Variants in TUSC3 observed in about 807,000 individuals in gnomAD.
The protein encoded by TUSC3 is dolichyl-diphosphooligosaccharide--protein glycosyltransferase subunit TUSC3.
Under a neutral mutation model 44.8 loss-of-function variants are expected in TUSC3, and 45 were observed. The ratio of observed to expected loss-of-function variants is 1.00; its 90% CI spans 0.79 to 1.29. The LOEUF (loss-of-function observed/expected upper bound fraction) is 1.29. TUSC3 is among the 50% of genes most tolerant of loss of function. The probability of loss-of-function intolerance (pLI) is 0.00; values close to 1 mark genes in which losing one functional copy is unlikely to be tolerated. For synonymous variants in TUSC3, 212 were observed against 152.9 expected, an observed-to-expected ratio of 1.39 and a Z score of -2.85; for missense variants, 519 against 437.9, an observed-to-expected ratio of 1.19 and a Z score of -1.65.
chr8:15,528,249 A>G (rs570084464), intron 2 of TUSC3, among the ~76,000 whole-genome samples: 2 of 152,192 alleles, frequency 1.3e-5, no homozygotes, highest in Non-Finnish European at 2.9e-5. Context: ...TTAAAATTAA[A>G]ATGAACATTT....
chr8:15,789,841 A>G, the TUSC3 span, among the ~76,000 whole-genome samples: 1 of 152,216 alleles, frequency 6.6e-6, no homozygotes, highest in Admixed American at 6.5e-5. Flanking sequence ...AACGGTACGG[A>G]AAGAAGACAC....
At chr8:15,550,237 T>C (rs1465556194) in intron 1 of TUSC3, among the ~76,000 whole-genome samples, 1 of 151,766 alleles carries the variant, frequency 6.6e-6, no homozygotes, top group Admixed American at 6.6e-5. Flanking sequence ...AGTTTTTATT[T>C]CTGTTTTCTT....
chr8:15,433,243 T>G (rs1799899342), intron 1 of TUSC3, among the ~76,000 whole-genome samples: 1 of 152,164 alleles, frequency 6.6e-6, no homozygotes, highest in African/African-American at 2.4e-5. Flanking sequence ...TTCCCCCATA[T>G]ATTTAAAAAA....
intron 1 of TUSC3, among the ~76,000 whole-genome samples, chr8:15,599,701 G>GT (rs143634299): frequency 0.025 from 3,341 of 133,932 alleles, 54 homozygotes; most frequent in Middle Eastern, 0.061. Context: ...ATTGCTTGTG[G>GT]TTTTTTTTTT....
At chr8:15,662,403 C>T in intron 5 of TUSC3, 107 bp downstream of exon 5, 1 of 1,478,404 alleles carries the variant, frequency 6.8e-7, no homozygotes, top group Non-Finnish European at 9.3e-7. Context: ...GAACTTAAGT[C>T]TGAATGAGAA....
At chr8:15,841,895 C>T in the TUSC3 span, among the ~76,000 whole-genome samples, 21 of 152,222 alleles carry the variant, frequency 1.4e-4, no homozygotes, top group Non-Finnish European at 2.2e-4. Context: ...AAATACAAGC[C>T]ATATATACCA....
chr8:15,590,452 C>A (rs930824141), intron 1 of TUSC3, among the ~76,000 whole-genome samples: 50 of 152,162 alleles, frequency 3.3e-4, no homozygotes, highest in African/African-American at 1.2e-3. Context: ...TTCTAACTTT[C>A]TTCTCTCTCC....
chr8:15,678,259 A>G (rs1808273951), intron 6 of TUSC3, among the ~76,000 whole-genome samples: 1 of 152,192 alleles, frequency 6.6e-6, no homozygotes, highest in African/African-American at 2.4e-5. Flanking sequence ...TTGTCTGTCA[A>G]AGAAAGCCAT....
the TUSC3 span, among the ~76,000 whole-genome samples, chr8:15,840,983 T>C: frequency 6.6e-6 from 1 of 152,178 alleles, no homozygotes; most frequent in Non-Finnish European, 1.5e-5. Flanking sequence ...AGAGGACATG[T>C]ATTTTGTGTG....
At chr8:15,541,053 A>G (rs76038103) in intron 1 of TUSC3, among the ~76,000 whole-genome samples, 5 of 152,268 alleles carry the variant, frequency 3.3e-5, no homozygotes, top group Non-Finnish European at 7.4e-5. Context: ...AACTCGGTGT[A>G]TACTTGTGAG....
At position 15,522,317 on chromosome 8, in the gene TUSC3, C is replaced by A. The variant is rs900281955; in HGVS notation, n.189+38834C>A. ...GTGCTATCTTGGCTCACTGCAACCT[C>A]TGCCTCCCGGGTTCAAGCAATTCTT... is the stretch of plus-strand genomic sequence containing the variant. On this transcript the variant is annotated intron_variant and non_coding_transcript_variant, in intron 2 of 5. Transcript: ENST00000503191. 5.9e-5 allele frequency among the ~76,000 whole-genome samples: 9 copies of A among 152,004 alleles called. No individual in the cohort carries two copies. In the South Asian group the frequency reaches 1.0e-3, roughly 17 times the overall value.
At chr8:15,758,909 G>C (rs565856570) in intron 10 of TUSC3, among the ~76,000 whole-genome samples, 1 of 152,110 alleles carries the variant, frequency 6.6e-6, no homozygotes, top group East Asian at 1.9e-4. Context: ...TCTCAATAAA[G>C]GCCTAGATTT....
At chr8:15,639,227 G>A (rs1173571859) in intron 2 of TUSC3, among the ~76,000 whole-genome samples, 7 of 150,404 alleles carry the variant, frequency 4.7e-5, no homozygotes, top group East Asian at 2.1e-4. Context: ...GCTAGATCAC[G>A]TGATGTTCAG....
chr8:15,836,029 T>C, the TUSC3 span, among the ~76,000 whole-genome samples: 1 of 152,190 alleles, frequency 6.6e-6, no homozygotes, highest in Non-Finnish European at 1.5e-5. Context: ...TTATTTCAGT[T>C]TTTTTCTGAC....
chr8:15,466,386 G>T (rs1800414908), intron 1 of TUSC3, among the ~76,000 whole-genome samples: 1 of 152,052 alleles, frequency 6.6e-6, no homozygotes, highest in Non-Finnish European at 1.5e-5. Context: ...CTATACCTTA[G>T]AACCTAATGT....
chr8:15,554,807 G>A (rs948214948), intron 1 of TUSC3, among the ~76,000 whole-genome samples: 3 of 150,356 alleles, frequency 2.0e-5, no homozygotes, highest in South Asian at 2.1e-4. Context: ...GGGTTTCACC[G>A]TGTTAGCCAG....
the TUSC3 span, among the ~76,000 whole-genome samples, chr8:15,787,654 A>G: frequency 6.6e-6 from 1 of 152,222 alleles, no homozygotes; most frequent in Non-Finnish European, 1.5e-5. Context: ...CTTTCACCAC[A>G]TAGGAGCTAT....
chr8:15,540,420 G>C lies in TUSC3; in HGVS notation c.-11G>C. On this transcript the variant is annotated 5_prime_UTR_variant, in exon 1 of 11. Coordinates refer to ENST00000503731, the MANE Select transcript of TUSC3 (RefSeq NM_006765.4). ...GGCTACCGCGCGTGGAGGAGACACTGCCCTGCCGCGATGGGGGCCCGGGGC... is the reference window on the plus strand; with the variant it reads ...GGCTACCGCGCGTGGAGGAGACACTCCCCTGCCGCGATGGGGGCCCGGGGC... The C allele has an allele frequency of 1.3e-6, 2 of 1,575,680 alleles. No homozygotes were observed. The highest frequency in any genetic ancestry group is 1.1e-5 in the South Asian group (1 of 87,114).
intron 1 of TUSC3, among the ~76,000 whole-genome samples, chr8:15,456,472 TAAGAA>T (rs1554503257): frequency 6.6e-6 from 1 of 152,062 alleles, no homozygotes; most frequent in Non-Finnish European, 1.5e-5. Flanking sequence ...TATGGAAGAA[TAAGAA>T]AAGAGAGGAG....
Sources: gnomAD v4.1 joint callset for allele counts (sites outside exome capture counted in the v4.1 genomes callset) on GRCh38, gnomAD v4.1.1 for gene constraint, MANE v1.5 for transcripts, NCBI Gene and HGNC (gene_info 2026-07-23, HGNC 2026-07-21) for gene names.